Variants in PARL observed in about 807,000 individuals in gnomAD.
The protein encoded by PARL is presenilin-associated rhomboid-like protein, mitochondrial.
Under a neutral mutation model 51.6 loss-of-function variants are expected in PARL, and 44 were observed. The observed-to-expected ratio is 0.85, with a 90% CI of 0.67 to 1.10. The LOEUF (loss-of-function observed/expected upper bound fraction) is 1.10. Among genes scored for constraint, PARL ranks in the 50% least tolerant of loss-of-function variants. The pLI is 0.00. For missense variants in PARL, 441 were observed against 469.5 expected (o/e 0.94, Z 0.56); for synonymous variants, 172 against 164.0 (o/e 1.05, Z -0.37).
At chr3:183,882,412 T>G (rs1358288783) in intron 1 of PARL, among the ~76,000 whole-genome samples, 1 of 135,944 alleles carries the variant, frequency 7.4e-6, no homozygotes, top group Non-Finnish European at 1.6e-5. Context: ...CACACACATA[T>G]ATATAGAGAG....
intron 5 of PARL, among the ~76,000 whole-genome samples, chr3:183,843,601 C>T (rs867044477): frequency 7.9e-5 from 12 of 152,294 alleles, no homozygotes; most frequent in Admixed American, 3.9e-4. Context: ...GAGGCTGAGG[C>T]GGGCGGATCA....
intron 4 of PARL, among the ~76,000 whole-genome samples, chr3:183,850,760 C>T (rs1008512461): frequency 3.9e-5 from 6 of 152,122 alleles, no homozygotes; most frequent in African/African-American, 1.4e-4. Flanking sequence ...AAACCAAATC[C>T]AGCCATATAT....
rs1333044911 is a variant in PARL, at chr3:183,833,385, A to G, written c.1028+107T>C. 6.5e-6 allele frequency: 5 copies of G among 766,652 alleles called. No individual in the cohort carries two copies. The Admixed American group carries it at 9.5e-5, about 15-fold the overall frequency. The allele number at this position is 766,652 out of a possible 1,614,324, so 47.5% of individuals were successfully genotyped here. On this transcript the variant is annotated intron_variant, in intron 9 of 9. Coordinates refer to ENST00000317096, the MANE Select transcript of PARL (RefSeq NM_018622.7). ...GCCCACCTGCTTCTGCTTCCGTTGC[A>G]TAGTTCAATGTCTCTGCCATGGGGA... is the stretch of plus-strand genomic sequence containing the variant.
chr3:183,874,224 A>G (rs1262970836), intron 1 of PARL, among the ~76,000 whole-genome samples: 1 of 152,068 alleles, frequency 6.6e-6, no homozygotes, highest in Non-Finnish European at 1.5e-5. Flanking sequence ...TGAACTTAAT[A>G]ATGTTGTGTA....
At chr3:183,854,225 G>C (rs941972000) in intron 4 of PARL, among the ~76,000 whole-genome samples, 1 of 152,198 alleles carries the variant, frequency 6.6e-6, no homozygotes, top group Non-Finnish European at 1.5e-5. Flanking sequence ...CCACGCGACA[G>C]AGTGAGATTC....
chr3:183,875,438 A>AG (rs1733692044), intron 1 of PARL, among the ~76,000 whole-genome samples: 1 of 150,642 alleles, frequency 6.6e-6, no homozygotes, highest in Non-Finnish European at 1.5e-5. Flanking sequence ...AAAAAAAAAA[A>AG]TAGAGTAAGA....
At chr3:183,852,655 A>C (rs1730684985) in intron 4 of PARL, among the ~76,000 whole-genome samples, 1 of 152,248 alleles carries the variant, frequency 6.6e-6, no homozygotes, top group Non-Finnish European at 1.5e-5. Flanking sequence ...CTGGGATTAC[A>C]GGCATGAGCC....
At chr3:183,865,382 C>T (rs1176075372) in intron 3 of PARL, among the ~76,000 whole-genome samples, 6 of 152,274 alleles carry the variant, frequency 3.9e-5, no homozygotes, top group African/African-American at 1.2e-4. Flanking sequence ...AGTTCAAATA[C>T]GTACTCTAAA....
At chr3:183,877,407 G>C (rs1247985529) in intron 1 of PARL, among the ~76,000 whole-genome samples, 1 of 152,190 alleles carries the variant, frequency 6.6e-6, no homozygotes, top group African/African-American at 2.4e-5. Flanking sequence ...GACAACAAAG[G>C]ATTTAGATTA....
intron 4 of PARL, among the ~76,000 whole-genome samples, chr3:183,857,481 C>T (rs931107381): frequency 6.6e-6 from 1 of 152,016 alleles, no homozygotes; most frequent in African/African-American, 2.4e-5. Context: ...GAAAAAAAAT[C>T]ATGGTGCAGA....
intron 1 of PARL, among the ~76,000 whole-genome samples, chr3:183,882,812 T>C (rs1443050617): frequency 6.6e-6 from 1 of 152,174 alleles, no homozygotes; most frequent in Non-Finnish European, 1.5e-5. Flanking sequence ...CCTAGAGTGC[T>C]TGTAAAATGC....
intron 4 of PARL, among the ~76,000 whole-genome samples, chr3:183,848,779 C>CTGAGA (rs1369176517): frequency 6.6e-6 from 1 of 152,082 alleles, no homozygotes; most frequent in Non-Finnish European, 1.5e-5. Context: ...TTGAGGCTGC[C>CTGAGA]TGAGATGATG....
At chr3:183,879,641 G>T in intron 1 of PARL, 3 of 521,436 alleles carry the variant, frequency 5.8e-6, no homozygotes, top group Non-Finnish European at 7.4e-6. Flanking sequence ...GAATAAGGAT[G>T]CTTTTAGATG....
chr3:183,879,927 C>T (rs1734255154), intron 1 of PARL, among the ~76,000 whole-genome samples: 2 of 138,668 alleles, frequency 1.4e-5, no homozygotes, highest in African/African-American at 5.5e-5. Context: ...GACAGGGTTT[C>T]GCCATATTGG....
At chr3:183,876,610 T>TAAAA (rs576376716) in intron 1 of PARL, among the ~76,000 whole-genome samples, 85 of 91,760 alleles carry the variant, frequency 9.3e-4, no homozygotes, top group East Asian at 2.8e-3. Flanking sequence ...ATACATTTTG[T>TAAAA]AAAAAAAAAA....
At chr3:183,827,463 T>G (rs1284481902), downstream of PARL, among the ~76,000 whole-genome samples, 1 of 151,902 alleles carries the variant, frequency 6.6e-6, no homozygotes, top group Non-Finnish European at 1.5e-5. Flanking sequence ...AATAAAAGTT[T>G]TTCACAGGTG....
chr3:183,850,584 A>G (rs1730436124), intron 4 of PARL, among the ~76,000 whole-genome samples: 1 of 152,218 alleles, frequency 6.6e-6, no homozygotes, highest in African/African-American at 2.4e-5. Flanking sequence ...TACCAAATAT[A>G]AAAGAGAATT....
rs779471122 is a variant in PARL, at chr3:183,862,812, C to T, written c.463-11G>A. 2.5e-6 allele frequency: 4 copies of T among 1,608,980 alleles called. No individual in the cohort carries two copies. In the South Asian group the frequency reaches 4.4e-5, roughly 18 times the overall value. On this transcript the variant is annotated splice_polypyrimidine_tract_variant and intron_variant, in intron 3 of 9. Transcript: ENST00000317096. ...CCACCACTTGTTAATCTAAAACAGA[C>T]AGAAAATTGCATCACCACATGTGAG...
At chr3:183,866,514 A>G in intron 3 of PARL, 111 bp downstream of exon 3, 2 of 851,758 alleles carry the variant, frequency 2.3e-6, no homozygotes, top group Admixed American at 3.6e-5. Context: ...AGATTTCATT[A>G]TTACACATTA....
Sources: gnomAD v4.1 joint callset for allele counts (sites outside exome capture counted in the v4.1 genomes callset) on GRCh38, gnomAD v4.1.1 for gene constraint, MANE v1.5 for transcripts, NCBI Gene and HGNC (gene_info 2026-07-23, HGNC 2026-07-21) for gene names.